The following REPS1 variants were observed in gnomAD, a reference collection of about 807,000 sequenced individuals.
REPS1 encodes RALBP1 associated Eps domain containing 1.
REPS1 carries 39 observed loss-of-function variants against 100.9 expected under a neutral mutation model. The observed-to-expected ratio is 0.39, with a 90% confidence interval of 0.30 to 0.50. The LOEUF is 0.50. Among genes scored for constraint, REPS1 ranks in the 20% least tolerant of loss-of-function variants. The pLI is 0.86. For synonymous variants in REPS1, 324 were observed against 340.3 expected, an observed-to-expected ratio of 0.95 and a Z score of 0.53; for missense variants, 821 against 968.5, an observed-to-expected ratio of 0.85 and a Z score of 2.02.
Position 138,912,881 on chromosome 6 carries a change from G to T in REPS1, c.1855C>A (p.Gln619Lys), listed in dbSNP as rs1433675199. 1.2e-6 allele frequency: 2 copies of T among 1,614,130 alleles called. No individual in the cohort carries two copies. Among genetic ancestry groups the T allele is most frequent in the Non-Finnish European group, 8.5e-7 (1 of 1,179,990 alleles). ...AAATTTGGTTGCTCTGGTATCTGCT[G>T]AGGTGAGGTACTAGTGTGAGTTATG... ...GLITHTSTSPQQIPEQPNFAD... is the reference protein window; with the variant it reads ...GLITHTSTSPKQIPEQPNFAD... Residue 619 changes from glutamine to lysine, a missense_variant, in exon 16 of 20, where the codon CAG becomes AAG. Gln to Lys is a moderately conservative substitution (Grantham distance 53). Transcript: ENST00000450536.
At chr6:138,930,186 A>G in intron 8 of REPS1, 88 bp from the exon 9 acceptor site, 1 of 1,065,166 alleles carries the variant, frequency 9.4e-7, no homozygotes. Context: ...AAGCCAACCG[A>G]TGATTTTCAT....
At chr6:138,910,254 A>C (rs972417592) in intron 17 of REPS1, among the ~76,000 whole-genome samples, 1 of 152,172 alleles carries the variant, frequency 6.6e-6, no homozygotes, top group Non-Finnish European at 1.5e-5. Context: ...ACCGGCTCCC[A>C]CTTTGCCTTC....
Position 138,930,024 on chromosome 6 carries a change from T to A in REPS1, c.1210A>T (p.Met404Leu), listed in dbSNP as rs764842485. The stretch of plus-strand genomic sequence containing the variant: ...GGCCATGTCTGGTTTAGTGATGGCA[T>A]CGATGGTGACTTGCTTGGAGGAGCT... Reference protein sequence around the residue: ...AEAPPSKSPSMPSLNQTWPEL... With the variant: ...AEAPPSKSPSLPSLNQTWPEL... Residue 404 changes from methionine (M) to leucine (L), a missense_variant, in exon 9 of 20, where the codon ATG becomes TTG. By Grantham distance (15) the Met-to-Leu change is conservative (BLOSUM62 2). This residue lies in a region of REPS1 where 757 missense variants were observed against 866.4 expected (regional missense o/e 0.87). Coordinates refer to ENST00000450536, the MANE Select transcript of REPS1 (RefSeq NM_001286611.2). 2 of 1,613,716 alleles carry A rather than the reference T, an allele frequency of 1.2e-6. No individual in the cohort carries two copies. Among genetic ancestry groups the A allele is most frequent in the Non-Finnish European group, 1.7e-6 (2 of 1,179,786 alleles).
At chr6:138,983,599 C>G (rs568803505) in intron 1 of REPS1, among the ~76,000 whole-genome samples, 8 of 152,312 alleles carry the variant, frequency 5.3e-5, no homozygotes, top group Admixed American at 2.6e-4. Flanking sequence ...GCTCCTTCCT[C>G]GTTTGGTTCT....
chr6:138,956,520 G>C (rs1783402155), intron 1 of REPS1, among the ~76,000 whole-genome samples: 1 of 151,740 alleles, frequency 6.6e-6, no homozygotes, highest in South Asian at 2.1e-4. Context: ...TGAAACGTTA[G>C]AGAAAAACTA....
At chr6:138,982,020 T>G (rs1023301918) in intron 1 of REPS1, among the ~76,000 whole-genome samples, 3 of 152,224 alleles carry the variant, frequency 2.0e-5, no homozygotes, top group African/African-American at 7.2e-5. Context: ...GTGACTTCTT[T>G]CACAAACAGT....
At chr6:138,969,407 A>G (rs530755550) in intron 1 of REPS1, among the ~76,000 whole-genome samples, 4 of 148,030 alleles carry the variant, frequency 2.7e-5, no homozygotes, top group African/African-American at 1.0e-4. Flanking sequence ...CTTCTGCCTT[A>G]GCCTCCTGAG....
intron 1 of REPS1, among the ~76,000 whole-genome samples, chr6:138,956,277 G>A (rs1022958615): frequency 6.6e-6 from 1 of 152,044 alleles, no homozygotes; most frequent in Non-Finnish European, 1.5e-5. Context: ...AAACAGAATA[G>A]TGACTAATGA....
At position 138,908,786 on chromosome 6, in the gene REPS1, G is replaced by T; in HGVS notation, c.2098C>A (p.Pro700Thr). 11 of 1,614,102 alleles carry T rather than the reference G, an allele frequency of 6.8e-6. No homozygotes were observed. Among genetic ancestry groups the T allele is most frequent in the Non-Finnish European group, 9.3e-6 (11 of 1,180,018 alleles). The change falls in exon 18 of 20, where the codon CCT becomes ACT. Residue 700 changes from proline (P) to threonine (T), a missense_variant. Pro to Thr is a conservative substitution (Grantham distance 38). Transcript: ENST00000450536. Reference sequence around the variant, plus strand: ...TTTAATCTTCTTCGAACAGGTTTAGGTGGTGGAGCAAGTGGTGTTGTGCCT... The same window carrying T: ...TTTAATCTTCTTCGAACAGGTTTAGTTGGTGGAGCAAGTGGTGTTGTGCCT... ...SKGTTPLAPP[P>T]KPVRRRLKSE...
intron 2 of REPS1, among the ~76,000 whole-genome samples, chr6:138,946,124 GGCT>G (rs764341007): frequency 1.4e-4 from 21 of 152,290 alleles, no homozygotes; most frequent in Admixed American, 7.8e-4. Context: ...CCAAAGCCTA[GGCT>G]GCTTCTACTC....
At chr6:138,957,381 A>T (rs950993675) in intron 1 of REPS1, among the ~76,000 whole-genome samples, 3 of 152,226 alleles carry the variant, frequency 2.0e-5, no homozygotes, top group Non-Finnish European at 4.4e-5. Context: ...AAAACAATAA[A>T]GCAATATCCA....
chr6:138,932,666 T>G (rs1781558214), intron 8 of REPS1, among the ~76,000 whole-genome samples: 1 of 152,228 alleles, frequency 6.6e-6, no homozygotes, highest in African/African-American at 2.4e-5. Flanking sequence ...AAAGTACTTG[T>G]GTGATTCAGT....
chr6:138,922,752 A>G (rs1361109892), intron 10 of REPS1, among the ~76,000 whole-genome samples: 1 of 152,222 alleles, frequency 6.6e-6, no homozygotes, highest in Non-Finnish European at 1.5e-5. Flanking sequence ...TTGAGATCCT[A>G]AATTTTGAAT....
chr6:138,921,224 T>C (rs1467316629), intron 10 of REPS1, 100 bp from the exon 11 acceptor site: 11 of 733,760 alleles, frequency 1.5e-5, no homozygotes, highest in Non-Finnish European at 2.1e-5. Context: ...GTGGACAGGC[T>C]TTCCCATTTA....
intron 7 of REPS1, among the ~76,000 whole-genome samples, chr6:138,942,715 T>C (rs1298270180): frequency 6.6e-6 from 1 of 152,142 alleles, no homozygotes; most frequent in Admixed American, 6.5e-5. Flanking sequence ...GTGCTGGAAT[T>C]ACAGGCGTGA....
At chr6:138,985,365 G>C (rs1785197871) in intron 1 of REPS1, among the ~76,000 whole-genome samples, 1 of 152,114 alleles carries the variant, frequency 6.6e-6, no homozygotes, top group African/African-American at 2.4e-5. Flanking sequence ...TAATTGACAA[G>C]ATCCTCAAGA....
intron 7 of REPS1, among the ~76,000 whole-genome samples, chr6:138,942,469 T>C (rs1488956417): frequency 1.3e-5 from 2 of 152,122 alleles, no homozygotes; most frequent in East Asian, 3.9e-4. Context: ...TGAGACAGAG[T>C]CTCACTCTGT....
At chr6:138,925,770 G>A (rs766058079) in intron 10 of REPS1, among the ~76,000 whole-genome samples, 1 of 152,130 alleles carries the variant, frequency 6.6e-6, no homozygotes, top group African/African-American at 2.4e-5. Context: ...GACAGGTGTA[G>A]CATATATTAA....
intron 2 of REPS1, among the ~76,000 whole-genome samples, chr6:138,946,505 G>T (rs1042661145): frequency 4.6e-5 from 7 of 152,060 alleles, no homozygotes; most frequent in Admixed American, 6.6e-5. Flanking sequence ...CCACATGAAG[G>T]AAGGAAACTA....
Sources: gnomAD v4.1 joint callset for allele counts (sites outside exome capture counted in the v4.1 genomes callset) on GRCh38, gnomAD v4.1.1 for gene constraint, gnomAD v4.1.1 regional missense constraint, MANE v1.5 for transcripts, NCBI Gene and HGNC (gene_info 2026-07-23, HGNC 2026-07-21) for gene names.